Variants in MEMO1 observed in about 807,000 individuals in gnomAD.
MEMO1 encodes the protein protein MEMO1.
A neutral mutation model predicts 45.2 loss-of-function variants in MEMO1; 6 were observed. The ratio of observed to expected loss-of-function variants is 0.13; its 90% CI spans 0.07 to 0.26. The LOEUF (loss-of-function observed/expected upper bound fraction) is 0.26. Ranked by LOEUF, MEMO1 falls within the 10% of genes least tolerant of loss-of-function variation. The pLI is 1.00. For synonymous variants in MEMO1, 78 were observed against 124.3 expected (o/e 0.63, Z 2.48); for missense variants, 184 against 370.5 (o/e 0.50, Z 4.13).
chr2:31,886,068 GAATGCAAA>G, intron 7 of MEMO1, among the ~76,000 whole-genome samples: 1 of 152,298 alleles, frequency 6.6e-6, no homozygotes, highest in South Asian at 2.1e-4. Flanking sequence ...GATTTAATGA[GAATGCAAA>G]AATGCACAGA....
chr2:31,938,823 A>G (rs1665258393), intron 3 of MEMO1, among the ~76,000 whole-genome samples: 1 of 140,966 alleles, frequency 7.1e-6, no homozygotes, highest in Non-Finnish European at 1.5e-5. Flanking sequence ...TCTCACTCCC[A>G]TTACCCAGGC....
chr2:31,868,300 A>C lies in MEMO1; in HGVS notation c.*61T>G. 1 of 1,421,060 alleles carries C rather than the reference A, an allele frequency of 7.0e-7. No individual in the cohort carries two copies. The highest frequency in any genetic ancestry group is 9.2e-7 in the Non-Finnish European group (1 of 1,082,270). The allele number at this position is 1,421,060 out of a possible 1,614,324, so 88.0% of individuals were successfully genotyped here. Reference sequence around the variant, plus strand: ...CAGGACCAGTATCGTGGTAAAGGCTAGGCTGGGACCCCGGACAGAGTATGA... The same window carrying C: ...CAGGACCAGTATCGTGGTAAAGGCTCGGCTGGGACCCCGGACAGAGTATGA... On this transcript the variant is annotated 3_prime_UTR_variant, in exon 10 of 10. Transcript: ENST00000404530.
chr2:31,901,102 T>C (rs1240119076), intron 6 of MEMO1, among the ~76,000 whole-genome samples: 1 of 152,154 alleles, frequency 6.6e-6, no homozygotes, highest in Non-Finnish European at 1.5e-5. Context: ...CTGGGCGTGG[T>C]GGCTCATGCC....
chr2:31,874,727 T>C (rs942535052), intron 8 of MEMO1, among the ~76,000 whole-genome samples: 1 of 151,968 alleles, frequency 6.6e-6, no homozygotes, highest in African/African-American at 2.4e-5. Context: ...ATAATGCTTA[T>C]ACAGAGAACC....
At chr2:31,957,423 G>A (rs1426927482) in intron 2 of MEMO1, among the ~76,000 whole-genome samples, 1 of 152,118 alleles carries the variant, frequency 6.6e-6, no homozygotes, top group Admixed American at 6.6e-5. Flanking sequence ...TTGAACCTAA[G>A]ATAATAGCTA....
chr2:31,948,131 G>T (rs1666398876), intron 2 of MEMO1, among the ~76,000 whole-genome samples: 1 of 152,162 alleles, frequency 6.6e-6, no homozygotes, highest in African/African-American at 2.4e-5. Context: ...AACCTGTCTA[G>T]ATCAACAGTT....
At chr2:31,956,975 C>T (rs552939649) in intron 2 of MEMO1, among the ~76,000 whole-genome samples, 1 of 152,100 alleles carries the variant, frequency 6.6e-6, no homozygotes, top group Admixed American at 6.5e-5. Context: ...AGCCCCATCT[C>T]CACTAAAAAT....
At chr2:31,898,076 T>A (rs1376809094) in intron 6 of MEMO1, among the ~76,000 whole-genome samples, 1 of 152,048 alleles carries the variant, frequency 6.6e-6, no homozygotes, top group Non-Finnish European at 1.5e-5. Flanking sequence ...TTTATCATTT[T>A]TTACTGTGTC....
chr2:31,997,933 T>C (rs188559162), intron 2 of MEMO1, among the ~76,000 whole-genome samples: 1 of 152,368 alleles, frequency 6.6e-6, no homozygotes, highest in African/African-American at 2.4e-5. Context: ...GAGAATGGCT[T>C]AGACCAGACT....
intron 8 of MEMO1, among the ~76,000 whole-genome samples, chr2:31,871,733 G>T (rs1039204520): frequency 4.6e-5 from 7 of 152,100 alleles, no homozygotes; most frequent in Non-Finnish European, 1.0e-4. Context: ...CCTAAGATGG[G>T]CCAGGTACAG....
chr2:31,894,699 G>A (rs994390748), intron 6 of MEMO1, among the ~76,000 whole-genome samples: 6 of 152,088 alleles, frequency 3.9e-5, no homozygotes, highest in African/African-American at 1.4e-4. Flanking sequence ...CTCCACACAC[G>A]CCTGGCTAAC....
chr2:31,955,012 G>C (rs1187505325), intron 2 of MEMO1, among the ~76,000 whole-genome samples: 2 of 152,040 alleles, frequency 1.3e-5, no homozygotes, highest in South Asian at 4.2e-4. Context: ...AGTCCAAAGA[G>C]GGAGGATCAC....
At chr2:31,933,765 A>G (rs1664582735) in intron 3 of MEMO1, among the ~76,000 whole-genome samples, 1 of 152,084 alleles carries the variant, frequency 6.6e-6, no homozygotes, top group Non-Finnish European at 1.5e-5. Flanking sequence ...CTCTAGCCCT[A>G]TACCTCTGGT....
chr2:31,999,700 T>C (rs1318686896), intron 2 of MEMO1, among the ~76,000 whole-genome samples: 1 of 152,138 alleles, frequency 6.6e-6, no homozygotes, highest in Non-Finnish European at 1.5e-5. Flanking sequence ...TTAACTCATA[T>C]GATACTACTC....
At chr2:31,946,250 GTTTT>G (rs1024052182) in intron 2 of MEMO1, among the ~76,000 whole-genome samples, 6 of 151,902 alleles carry the variant, frequency 3.9e-5, no homozygotes, top group Non-Finnish European at 7.4e-5. Flanking sequence ...TATATTCCTT[GTTTT>G]TATTTTGTAT....
At chr2:31,982,483 G>A (rs920835549) in intron 2 of MEMO1, among the ~76,000 whole-genome samples, 1 of 151,400 alleles carries the variant, frequency 6.6e-6, no homozygotes, top group Admixed American at 6.6e-5. Context: ...CCAGCTACTC[G>A]GGAGGCTGGG....
intron 2 of MEMO1, among the ~76,000 whole-genome samples, chr2:32,008,677 T>C (rs1292103979): frequency 1.3e-5 from 2 of 152,198 alleles, no homozygotes; most frequent in Non-Finnish European, 1.5e-5. Context: ...GAAGATTAAA[T>C]GTTTATGAAG....
intron 4 of MEMO1, among the ~76,000 whole-genome samples, chr2:31,929,773 G>C (rs922071280): frequency 6.6e-6 from 1 of 152,206 alleles, no homozygotes; most frequent in Non-Finnish European, 1.5e-5. Flanking sequence ...AGAATAGAAA[G>C]TGGTAGTATA....
chr2:31,980,494 A>G (rs1670510724), intron 2 of MEMO1, among the ~76,000 whole-genome samples: 1 of 152,182 alleles, frequency 6.6e-6, no homozygotes, highest in Non-Finnish European at 1.5e-5. Context: ...TCTTCATTCA[A>G]TGATTGCTCC....
Sources: gnomAD v4.1 joint callset for allele counts (sites outside exome capture counted in the v4.1 genomes callset) on GRCh38, gnomAD v4.1.1 for gene constraint, MANE v1.5 for transcripts, NCBI Gene and HGNC (gene_info 2026-07-23, HGNC 2026-07-21) for gene names.